Variants in SEC31A observed in about 807,000 individuals in gnomAD.
SEC31A encodes the protein protein transport protein Sec31A.
Under a neutral mutation model 151.0 loss-of-function variants are expected in SEC31A, and 70 were observed. The observed-to-expected ratio is 0.46, with a 90% CI of 0.38 to 0.57. SEC31A has a LOEUF of 0.57. Among genes scored for constraint, SEC31A ranks in the 20% least tolerant of loss-of-function variants. The pLI, the probability that SEC31A is intolerant of heterozygous loss-of-function variation, is 0.00. For synonymous variants in SEC31A, 475 were observed against 505.9 expected (o/e 0.94, Z 0.82); for missense variants, 1,330 against 1,471.2 (o/e 0.90, Z 1.57).
At chr4:82,844,166 A>T (rs1434069399) in intron 21 of SEC31A, 1 of 404,868 alleles carries the variant, frequency 2.5e-6, no homozygotes, top group Non-Finnish European at 4.4e-6. Flanking sequence ...GAGGAACAGG[A>T]GTCAACTACT....
Position 82,844,527 on chromosome 4 carries a change from G to C in SEC31A, c.2503-18C>G. On this transcript the variant is annotated intron_variant, in intron 20 of 26. Transcript: ENST00000395310. ...TTTTCTCCCTAAGAAACAAGAACATGGTAAGAAGGCGGATACAAGTAGAAC... is the reference window on the plus strand; with the variant it reads ...TTTTCTCCCTAAGAAACAAGAACATCGTAAGAAGGCGGATACAAGTAGAAC... 6.2e-7 allele frequency: 1 copy of C among 1,611,128 alleles called. No individual in the cohort carries two copies. The highest frequency in any genetic ancestry group is 8.5e-7 in the Non-Finnish European group (1 of 1,177,736).
chr4:82,884,050 C>T (rs1373215816), intron 1 of SEC31A, among the ~76,000 whole-genome samples: 4 of 136,192 alleles, frequency 2.9e-5, no homozygotes, highest in African/African-American at 5.5e-5. Context: ...CACAGTGGGG[C>T]GATCTCGGCT....
intron 22 of SEC31A, among the ~76,000 whole-genome samples, chr4:82,837,201 T>TATATATATATATATATATATATA (rs1727586493): frequency 1.8e-5 from 1 of 56,144 alleles, no homozygotes; most frequent in Non-Finnish European, 3.9e-5. Context: ...ATATATATAA[T>TATATATATATATATATATATATA]TTCACCACAA....
chr4:82,875,566 G>A (rs188668161), intron 5 of SEC31A, among the ~76,000 whole-genome samples, 161 bp downstream of exon 5: 4 of 152,238 alleles, frequency 2.6e-5, no homozygotes, highest in Non-Finnish European at 5.9e-5. Context: ...ATACTTTGAA[G>A]AAACATATTT....
At chr4:82,858,543 A>T (rs1317103351) in intron 14 of SEC31A, among the ~76,000 whole-genome samples, 1 of 47,256 alleles carries the variant, frequency 2.1e-5, no homozygotes, top group Non-Finnish European at 3.4e-5. Flanking sequence ...ACTCTGTCTC[A>T]AAAAAAAAAA....
intron 22 of SEC31A, among the ~76,000 whole-genome samples, chr4:82,833,624 G>C (rs562808115): frequency 1.3e-5 from 2 of 151,832 alleles, no homozygotes; most frequent in African/African-American, 4.8e-5. Flanking sequence ...TATAGCAGTG[G>C]ACAAGAGAAA....
At position 82,842,159 on chromosome 4, in the gene SEC31A, C is replaced by A; in HGVS notation, c.2949G>T (p.Leu983=). The A allele has an allele frequency of 6.4e-7, 1 of 1,565,638 alleles. No homozygotes were observed. The highest frequency in any genetic ancestry group is 1.2e-5 in the South Asian group (1 of 82,732). Reference sequence around the variant, plus strand: ...GCAGACCTGTTCTTTGGGACGCAGGCAGCTCACTGGCAGCAGGCAGTGTAC... The same window carrying A: ...GCAGACCTGTTCTTTGGGACGCAGGAAGCTCACTGGCAGCAGGCAGTGTAC... ...TTGTLPAASE[L]PASQRTGPQN... Residue 983 remains leucine (L), a synonymous_variant, in exon 22 of 27, where the codon CTG becomes CTT. Coordinates refer to ENST00000395310, the MANE Select transcript of SEC31A (RefSeq NM_001077207.4).
intron 16 of SEC31A, among the ~76,000 whole-genome samples, chr4:82,856,288 T>A (rs1010150542): frequency 6.6e-6 from 1 of 151,612 alleles, no homozygotes; most frequent in African/African-American, 2.4e-5. Flanking sequence ...GTAGCTGGGA[T>A]TACAGGTGCC....
intron 1 of SEC31A, among the ~76,000 whole-genome samples, chr4:82,888,995 T>C (rs1442441606): frequency 6.6e-6 from 1 of 152,236 alleles, no homozygotes; most frequent in African/African-American, 2.4e-5. Flanking sequence ...CAATCCCTAG[T>C]TGGCACTGCT....
At chr4:82,826,473 C>T (rs1724596599) in intron 24 of SEC31A, among the ~76,000 whole-genome samples, 1 of 152,192 alleles carries the variant, frequency 6.6e-6, no homozygotes, top group Non-Finnish European at 1.5e-5. Context: ...CCTGCCTCAG[C>T]CTCCCGAGTA....
At chr4:82,879,077 G>T in intron 3 of SEC31A, 149 bp from the exon 4 acceptor site, 2 of 630,950 alleles carry the variant, frequency 3.2e-6, no homozygotes, top group Non-Finnish European at 5.6e-6. Context: ...GTATGACTTT[G>T]GTGTAATAGT....
At chr4:82,858,739 G>A (rs888851113) in intron 14 of SEC31A, among the ~76,000 whole-genome samples, 16 of 150,564 alleles carry the variant, frequency 1.1e-4, no homozygotes, top group Non-Finnish European at 3.0e-5. Context: ...GTCTCACTCT[G>A]TCACCCAGGC....
At chr4:82,859,536 T>A (rs1456038016) in intron 14 of SEC31A, among the ~76,000 whole-genome samples, 1 of 152,214 alleles carries the variant, frequency 6.6e-6, no homozygotes. Flanking sequence ...AAATATCTAG[T>A]ATTCAAGTTC....
chr4:82,891,325 G>T, upstream of SEC31A: 1 of 778,136 alleles, frequency 1.3e-6, no homozygotes, highest in South Asian at 1.7e-5. Context: ...CTGGGAGGCG[G>T]GGTACGGCTC....
At chr4:82,862,070 G>A (rs549924040) in intron 13 of SEC31A, among the ~76,000 whole-genome samples, 20 of 151,286 alleles carry the variant, frequency 1.3e-4, no homozygotes, top group Admixed American at 6.6e-4. Flanking sequence ...GTGCCACCAC[G>A]CCCAGCTAAT....
At chr4:82,831,308 T>C (rs1464581786) in intron 22 of SEC31A, 1 of 157,964 alleles carries the variant, frequency 6.3e-6, no homozygotes, top group Non-Finnish European at 1.4e-5. Flanking sequence ...GGATTGTTTT[T>C]CTACTATTTA....
upstream of SEC31A, chr4:82,891,202 A>G (rs1333668937): frequency 2.4e-5 from 37 of 1,529,924 alleles, no homozygotes; most frequent in Non-Finnish European, 3.2e-5. Context: ...TTCCGTTCCA[A>G]CGTGGCAGCC....
In SEC31A at chr4:82,866,689, C is replaced by T. The variant is rs965834530; in HGVS notation, c.1197+119G>A. On this transcript the variant is annotated intron_variant, in intron 10 of 26. Transcript: ENST00000395310. The stretch of plus-strand genomic sequence containing the variant: ...ACCATTTTGAATGATGAAATACCCA[C>T]AAGTACATCTCAAATCCCAACTTAA... The T allele has an allele frequency of 3.5e-5, 31 of 892,034 alleles. No individual in the cohort carries two copies. The East Asian group carries it at 3.6e-4, about 10-fold the overall frequency. 55.3% of individuals were successfully genotyped at this position (892,034 alleles called of 1,614,324 possible). A position where few individuals can be genotyped will look rare whatever the true frequency, so the allele number is the denominator to read the frequency against.
chr4:82,860,438 T>C (rs947849973), intron 14 of SEC31A, among the ~76,000 whole-genome samples: 6 of 152,214 alleles, frequency 3.9e-5, no homozygotes, highest in Non-Finnish European at 7.3e-5. Context: ...CATTTCTCTA[T>C]GTATCTTACA....
Sources: allele counts gnomAD v4.1 joint callset (sites outside exome capture counted in the v4.1 genomes callset), GRCh38; gene constraint gnomAD v4.1.1; transcripts MANE v1.5; gene names NCBI Gene and HGNC (gene_info 2026-07-23, HGNC 2026-07-21).